The following NRXN3 variants were observed in gnomAD, a reference collection of about 807,000 sequenced individuals.
NRXN3 encodes neurexin III.
NRXN3 carries 32 observed loss-of-function variants against 137.6 expected under a neutral mutation model. That is an observed-to-expected ratio of 0.23 (90% CI 0.18 to 0.31). The LOEUF is 0.31. Among genes scored for constraint, NRXN3 ranks in the 10% least tolerant of loss-of-function variants. The pLI is 1.00. For synonymous variants in NRXN3, 798 were observed against 784.5 expected, an observed-to-expected ratio of 1.02 and a Z score of -0.29; for missense variants, 1,574 against 2,062.5, an observed-to-expected ratio of 0.76 and a Z score of 4.59.
At chr14:79,244,455 C>T (rs539684308) in intron 15 of NRXN3, among the ~76,000 whole-genome samples, 8 of 152,214 alleles carry the variant, frequency 5.3e-5, no homozygotes, top group Non-Finnish European at 1.0e-4. Flanking sequence ...CCTCATAACG[C>T]GTGAACGTTA....
chr14:78,756,923 G>A (rs941715972), intron 8 of NRXN3, among the ~76,000 whole-genome samples: 2 of 152,196 alleles, frequency 1.3e-5, no homozygotes, highest in African/African-American at 4.8e-5. Context: ...AGCGAATGCT[G>A]TTTAAGTGTT....
At chr14:78,610,574 T>G (rs1030648582) in intron 4 of NRXN3, among the ~76,000 whole-genome samples, 1 of 152,236 alleles carries the variant, frequency 6.6e-6, no homozygotes, top group Non-Finnish European at 1.5e-5. Flanking sequence ...TAAAACCCTA[T>G]GTAGATTTAA....
At chr14:78,176,310 G>A (rs1162963892) in intron 1 of NRXN3, among the ~76,000 whole-genome samples, 2 of 151,446 alleles carry the variant, frequency 1.3e-5, no homozygotes, top group East Asian at 1.9e-4. Context: ...CATCATAGTA[G>A]TGGTAGTAAT....
At chr14:79,621,224 T>C (rs1164569596) in intron 16 of NRXN3, among the ~76,000 whole-genome samples, 1 of 152,220 alleles carries the variant, frequency 6.6e-6, no homozygotes, top group African/African-American at 2.4e-5. Context: ...CAAAAGCATC[T>C]GTTATTATAA....
At chr14:78,226,545 A>G (rs1299245217) in intron 1 of NRXN3, among the ~76,000 whole-genome samples, 1 of 152,224 alleles carries the variant, frequency 6.6e-6, no homozygotes, top group Non-Finnish European at 1.5e-5. Context: ...AAGCTAAGAT[A>G]TAAATAGGTA....
intron 15 of NRXN3, among the ~76,000 whole-genome samples, chr14:79,066,163 G>A (rs770352021): frequency 1.3e-5 from 2 of 152,070 alleles, no homozygotes; most frequent in Non-Finnish European, 2.9e-5. Flanking sequence ...GTTAATTTTT[G>A]TATGTGGTGT....
chr14:79,093,770 G>C (rs1223154175), intron 15 of NRXN3, among the ~76,000 whole-genome samples: 1 of 151,284 alleles, frequency 6.6e-6, no homozygotes, highest in East Asian at 2.0e-4. Flanking sequence ...GTTTTCAAGA[G>C]ACAATTGTGC....
chr14:79,813,366 T>A (rs193215633), intron 20 of NRXN3, among the ~76,000 whole-genome samples: 6 of 152,332 alleles, frequency 3.9e-5, no homozygotes, highest in Admixed American at 2.6e-4. Flanking sequence ...ATATACCTTG[T>A]ATATATTTGA....
At chr14:78,404,209 T>C (rs2092327205) in intron 4 of NRXN3, among the ~76,000 whole-genome samples, 1 of 148,720 alleles carries the variant, frequency 6.7e-6, no homozygotes, top group Non-Finnish European at 1.5e-5. Context: ...ATTTTCCTTT[T>C]TTTTTTTTTT....
chr14:79,692,707 C>A (rs1239987553), intron 18 of NRXN3, among the ~76,000 whole-genome samples: 1 of 151,734 alleles, frequency 6.6e-6, no homozygotes. Context: ...AAAAAACAAA[C>A]AAACAAAAAA....
intron 4 of NRXN3, among the ~76,000 whole-genome samples, chr14:78,305,753 T>C (rs1017852301): frequency 6.6e-6 from 1 of 152,184 alleles, no homozygotes; most frequent in Non-Finnish European, 1.5e-5. Flanking sequence ...TATAATAAAA[T>C]AGGGGCAGTA....
chr14:79,199,970 C>A (rs781271834), intron 15 of NRXN3: 3 of 152,126 alleles, frequency 2.0e-5, no homozygotes, highest in Non-Finnish European at 2.9e-5. Context: ...AGAAGAAAGA[C>A]GTGTGCTATA....
At chr14:79,530,289 A>C (rs1171532764) in intron 16 of NRXN3, among the ~76,000 whole-genome samples, 2 of 152,142 alleles carry the variant, frequency 1.3e-5, no homozygotes. Context: ...TGAGGATTTA[A>C]ATGACAACAA....
At chr14:79,643,032 A>G (rs972730707) in intron 16 of NRXN3, among the ~76,000 whole-genome samples, 1 of 135,816 alleles carries the variant, frequency 7.4e-6, no homozygotes, top group Non-Finnish European at 1.7e-5. Context: ...TTCACTAGCC[A>G]TCATATGATT....
intron 8 of NRXN3, among the ~76,000 whole-genome samples, chr14:78,782,413 G>A (rs1426574670): frequency 6.6e-6 from 1 of 152,090 alleles, no homozygotes; most frequent in African/African-American, 2.4e-5. Context: ...GTACATCTTT[G>A]ATCATTCTTT....
At chr14:79,340,247 G>A (rs1369610545) in intron 15 of NRXN3, among the ~76,000 whole-genome samples, 1 of 151,876 alleles carries the variant, frequency 6.6e-6, no homozygotes, top group East Asian at 1.9e-4. Context: ...TGGAGGAGGA[G>A]TGTGAGGGAA....
chr14:79,802,701 C>G (rs1159066600), intron 19 of NRXN3, among the ~76,000 whole-genome samples: 2 of 152,132 alleles, frequency 1.3e-5, no homozygotes, highest in African/African-American at 4.8e-5. Context: ...AGCTCCTTTC[C>G]CTAAGTAACT....
intron 4 of NRXN3, among the ~76,000 whole-genome samples, chr14:78,615,508 G>C (rs1254295477): frequency 6.6e-6 from 1 of 152,084 alleles, no homozygotes; most frequent in Non-Finnish European, 1.5e-5. Context: ...CTACTTGGGA[G>C]GCTGAGGCAG....
At chr14:78,669,663 T>C (rs2097917606) in intron 6 of NRXN3, among the ~76,000 whole-genome samples, 1 of 152,068 alleles carries the variant, frequency 6.6e-6, no homozygotes, top group Non-Finnish European at 1.5e-5. Flanking sequence ...TTTCCCTTTT[T>C]CTGGGAAAGG....
Sources: allele counts gnomAD v4.1 joint callset (sites outside exome capture counted in the v4.1 genomes callset), GRCh38; gene constraint gnomAD v4.1.1; transcripts MANE v1.5; gene names NCBI Gene and HGNC (gene_info 2026-07-23, HGNC 2026-07-21).